CD33: variants seen among roughly 807,000 people sequenced by gnomAD.
CD33 encodes CD33 molecule, also known as myeloid cell surface antigen CD33.
CD33 carries 25 observed loss-of-function variants against 31.4 expected under a neutral mutation model. That is an observed-to-expected ratio of 0.80 (90% CI 0.58 to 1.11). CD33 has a LOEUF of 1.11. Ranked by LOEUF, CD33 falls within the 50% of genes most tolerant of loss-of-function variation. The pLI, the probability that CD33 is intolerant of heterozygous loss-of-function variation, is 0.00. For missense variants in CD33, 407 were observed against 448.1 expected (o/e 0.91, Z 0.83); for synonymous variants, 176 against 180.6 (o/e 0.97, Z 0.20).
intron 4 of CD33, among the ~76,000 whole-genome samples, chr19:51,234,579 G>C (rs953285865): frequency 2.6e-5 from 4 of 152,110 alleles, no homozygotes; most frequent in Admixed American, 2.0e-4. Context: ...TCCCTCAGTA[G>C]TGGTTATCAA....
chr19:51,230,897 A>T (rs529410044), intron 4 of CD33, among the ~76,000 whole-genome samples: 1 of 152,066 alleles, frequency 6.6e-6, no homozygotes, highest in East Asian at 1.9e-4. Context: ...ATGGAACACC[A>T]AGCTCTGTGC....
chr19:51,237,800 C>T (rs1981900637), intron 6 of CD33: 2 of 152,184 alleles, frequency 1.3e-5, no homozygotes, highest in African/African-American at 2.4e-5. Context: ...TAGTGGGAGT[C>T]ACTCTGGCTG....
At chr19:51,218,666 T>G in the CD33 span, among the ~76,000 whole-genome samples, 1 of 152,212 alleles carries the variant, frequency 6.6e-6, no homozygotes, top group Non-Finnish European at 1.5e-5. Flanking sequence ...AGGTCTTACA[T>G]CTAAGTTTTT....
At chr19:51,217,221 C>T in the CD33 span, among the ~76,000 whole-genome samples, 3 of 152,090 alleles carry the variant, frequency 2.0e-5, no homozygotes, top group South Asian at 2.1e-4. Context: ...GGTCTTGAAC[C>T]AGACAGGCAG....
chr19:51,239,417 A>G lies in CD33; in HGVS notation c.925-101A>G, dbSNP rs1982016395. The G allele has an allele frequency of 8.8e-6, 7 of 795,632 alleles. No individual in the cohort carries two copies. The Admixed American group carries it at 1.2e-4, about 13-fold the overall frequency. 49.3% of individuals were successfully genotyped at this position (795,632 alleles called of 1,614,324 possible). A position where few individuals can be genotyped will look rare whatever the true frequency, so the allele number is the denominator to read the frequency against. On this transcript the variant is annotated intron_variant, in intron 6 of 6. Transcript: ENST00000262262. ...GATGAAAGAATGAAAGAGTGAATAAATGTTCTGTCAGAGTCAAATTTACTT... is the reference window on the plus strand; with the variant it reads ...GATGAAAGAATGAAAGAGTGAATAAGTGTTCTGTCAGAGTCAAATTTACTT...
upstream of CD33, among the ~76,000 whole-genome samples, chr19:51,222,985 G>A (rs1451444852): frequency 1.3e-5 from 2 of 152,104 alleles, no homozygotes; most frequent in Admixed American, 1.3e-4. Context: ...AGGTCGAGGT[G>A]GGAGGATTGC....
In CD33 at chr19:51,239,699, A is replaced by G. The variant is rs1170162981; in HGVS notation, c.*11A>G. Reference sequence around the variant, plus strand: ...GTCAGGACCCAGTGAGGAACCCACAAGAGCATCAGGCTCAGCTAGAAGATC... The same window carrying G: ...GTCAGGACCCAGTGAGGAACCCACAGGAGCATCAGGCTCAGCTAGAAGATC... On this transcript the variant is annotated 3_prime_UTR_variant, in exon 7 of 7. Coordinates refer to ENST00000262262, the MANE Select transcript of CD33 (RefSeq NM_001772.4). The G allele has an allele frequency of 6.9e-6, 11 of 1,602,508 alleles. No individual in the cohort carries two copies. The highest frequency in any genetic ancestry group is 9.4e-6 in the Non-Finnish European group (11 of 1,175,026).
the CD33 span, among the ~76,000 whole-genome samples, chr19:51,212,742 G>A: frequency 3.9e-5 from 6 of 152,240 alleles, no homozygotes; most frequent in Admixed American, 2.0e-4. Context: ...AATGCACAGC[G>A]GAGTCTGTCC....
the CD33 span, among the ~76,000 whole-genome samples, chr19:51,218,924 T>C: frequency 1.3e-5 from 2 of 152,248 alleles, no homozygotes; most frequent in African/African-American, 4.8e-5. Context: ...TTGTTTACTA[T>C]AGCCTTGTGG....
chr19:51,217,955 T>C, the CD33 span, among the ~76,000 whole-genome samples: 2 of 152,236 alleles, frequency 1.3e-5, no homozygotes, highest in African/African-American at 4.8e-5. Flanking sequence ...AGCATTAGGT[T>C]GATTCCATAT....
upstream of CD33, among the ~76,000 whole-genome samples, chr19:51,224,502 G>A (rs562146771): frequency 2.0e-5 from 3 of 152,132 alleles, no homozygotes; most frequent in Non-Finnish European, 2.9e-5. Flanking sequence ...AATGCATGAG[G>A]CTAGAAAGGA....
At chr19:51,230,141 C>A (rs914959769) in intron 4 of CD33, among the ~76,000 whole-genome samples, 2 of 148,282 alleles carry the variant, frequency 1.3e-5, no homozygotes, top group African/African-American at 5.0e-5. Context: ...CATTTAGAAT[C>A]ATTTTGTTTC....
intron 4 of CD33, among the ~76,000 whole-genome samples, chr19:51,230,728 C>T (rs1466456535): frequency 2.6e-5 from 4 of 152,112 alleles, no homozygotes. Flanking sequence ...CCATCTCTTC[C>T]TTTTCAGTCT....
At chr19:51,219,741 T>C in the CD33 span, among the ~76,000 whole-genome samples, 4 of 152,200 alleles carry the variant, frequency 2.6e-5, no homozygotes, top group Non-Finnish European at 5.9e-5. Context: ...TGAAGAGATG[T>C]TGGATTTTAT....
chr19:51,235,244 T>A lies in CD33; in HGVS notation c.833T>A (p.Ile278Asn), dbSNP rs1221000506. 6.2e-7 allele frequency: 1 copy of A among 1,613,900 alleles called. No homozygotes were observed. Among genetic ancestry groups the A allele is most frequent in the Admixed American group, 1.7e-5 (1 of 60,024 alleles). Residue 278 changes from isoleucine to asparagine, a missense_variant, in exon 5 of 7, where the codon ATC becomes AAC. Coordinates refer to ENST00000262262, the MANE Select transcript of CD33 (RefSeq NM_001772.4). Reference protein sequence around the residue: ...TALLALCLCLIFFIVKTHRRK... With the variant: ...TALLALCLCLNFFIVKTHRRK... ...CTGCTCGCTCTTTGTCTCTGCCTCA[T>A]CTTCTTCATGTGAGCATTTTCTCTG...
intron 4 of CD33, among the ~76,000 whole-genome samples, chr19:51,231,594 T>A (rs1981415559): frequency 7.1e-6 from 1 of 140,996 alleles, no homozygotes; most frequent in African/African-American, 2.8e-5. Context: ...CTTTTTGTGG[T>A]TGGCTGATGT....
chr19:51,232,856 T>C (rs939704472), intron 4 of CD33, among the ~76,000 whole-genome samples: 1 of 152,234 alleles, frequency 6.6e-6, no homozygotes, highest in Non-Finnish European at 1.5e-5. Flanking sequence ...GCATATCTGC[T>C]GGAGGTGCCA....
chr19:51,239,715 C>G lies in CD33; in HGVS notation c.*27C>G, dbSNP rs757756220. 1.9e-6 allele frequency: 3 copies of G among 1,584,130 alleles called. No individual in the cohort carries two copies. The highest frequency in any genetic ancestry group is 1.7e-6 in the Non-Finnish European group (2 of 1,164,272). ...GAACCCACAAGAGCATCAGGCTCAGCTAGAAGATCCACATCCTCTACAGGT... is the reference window on the plus strand; with the variant it reads ...GAACCCACAAGAGCATCAGGCTCAGGTAGAAGATCCACATCCTCTACAGGT... On this transcript the variant is annotated 3_prime_UTR_variant, in exon 7 of 7. Coordinates refer to ENST00000262262, the MANE Select transcript of CD33 (RefSeq NM_001772.4).
intron 6 of CD33, chr19:51,236,109 C>G (rs1031014850): frequency 3.3e-5 from 15 of 450,808 alleles, no homozygotes; most frequent in Non-Finnish European, 5.7e-5. Context: ...AGTGAGCCGA[C>G]ATAGCACCAC....
Sources: gnomAD v4.1 joint callset for allele counts (sites outside exome capture counted in the v4.1 genomes callset) on GRCh38, gnomAD v4.1.1 for gene constraint, MANE v1.5 for transcripts, NCBI Gene and HGNC (gene_info 2026-07-23, HGNC 2026-07-21) for gene names.